Variants in EYS observed in about 807,000 individuals in gnomAD.
The protein encoded by EYS is EGF-like photoreceptor maintenance factor.
In EYS, 250 loss-of-function variants were observed where a neutral mutation model predicts 282.1. The observed-to-expected ratio is 0.89, with a 90% CI of 0.80 to 0.98. The LOEUF is 0.98. Among genes scored for constraint, EYS ranks in the 50% least tolerant of loss-of-function variants. EYS has a pLI of 0.00. For missense variants in EYS, 4,016 were observed against 3,709.0 expected, an observed-to-expected ratio of 1.08 and a Z score of -2.15; for synonymous variants, 1,355 against 1,282.9, an observed-to-expected ratio of 1.06 and a Z score of -1.20.
At chr6:63,955,844 G>A (rs1765794103) in intron 35 of EYS, among the ~76,000 whole-genome samples, 2 of 152,056 alleles carry the variant, frequency 1.3e-5, no homozygotes, top group Admixed American at 6.6e-5. Flanking sequence ...TTTAATACCT[G>A]TTTTTCTCCT....
chr6:65,663,508 G>A (rs1768078057), intron 1 of EYS, among the ~76,000 whole-genome samples: 1 of 152,160 alleles, frequency 6.6e-6, no homozygotes, highest in Non-Finnish European at 1.5e-5. Context: ...AATATAATGA[G>A]AATATACCAA....
intron 11 of EYS, among the ~76,000 whole-genome samples, chr6:65,309,237 ATG>A (rs1562087986): frequency 6.6e-6 from 1 of 152,096 alleles, no homozygotes; most frequent in Non-Finnish European, 1.5e-5. Flanking sequence ...AATAATTAGC[ATG>A]TGTTTTATCT....
intron 15 of EYS, among the ~76,000 whole-genome samples, chr6:64,923,017 T>C (rs1216970292): frequency 4.6e-5 from 7 of 152,180 alleles, no homozygotes; most frequent in Non-Finnish European, 8.8e-5. Flanking sequence ...GTTTACTTTT[T>C]TTGGGGTGGG....
At chr6:64,667,778 A>G (rs1769284499) in intron 22 of EYS, among the ~76,000 whole-genome samples, 1 of 152,168 alleles carries the variant, frequency 6.6e-6, no homozygotes, top group African/African-American at 2.4e-5. Context: ...TTTATTGTCC[A>G]TCACAAATGA....
At chr6:65,075,899 C>A (rs1402180101) in intron 12 of EYS, among the ~76,000 whole-genome samples, 3 of 151,850 alleles carry the variant, frequency 2.0e-5, no homozygotes, top group Non-Finnish European at 4.4e-5. Context: ...ACAGTAAAAT[C>A]TCACACCTCA....
At chr6:64,381,957 A>G (rs1296367093) in intron 29 of EYS, among the ~76,000 whole-genome samples, 1 of 152,142 alleles carries the variant, frequency 6.6e-6, no homozygotes, top group African/African-American at 2.4e-5. Context: ...TTTCTTTTAT[A>G]AGTGTATTAA....
intron 14 of EYS, among the ~76,000 whole-genome samples, chr6:64,987,850 A>G (rs559932055): frequency 6.6e-6 from 1 of 151,698 alleles, no homozygotes; most frequent in South Asian, 2.1e-4. Flanking sequence ...AAAGCATAGA[A>G]TTGGTAATAA....
chr6:65,356,578 A>G (rs985285256), intron 8 of EYS, among the ~76,000 whole-genome samples: 11 of 152,048 alleles, frequency 7.2e-5, no homozygotes, highest in Admixed American at 5.9e-4. Flanking sequence ...AAAGTCACCC[A>G]GGATATATTT....
intron 31 of EYS, among the ~76,000 whole-genome samples, chr6:64,121,757 G>A (rs980158734): frequency 6.6e-6 from 1 of 152,082 alleles, no homozygotes; most frequent in African/African-American, 2.4e-5. Context: ...TAAAGTACCA[G>A]TTTCTATTAG....
At chr6:65,062,362 G>T (rs1773602478) in intron 12 of EYS, among the ~76,000 whole-genome samples, 1 of 151,934 alleles carries the variant, frequency 6.6e-6, no homozygotes, top group East Asian at 1.9e-4. Flanking sequence ...GTCTAAAAAT[G>T]TACCAAACCT....
chr6:64,431,116 C>T (rs982702875), intron 28 of EYS, among the ~76,000 whole-genome samples: 2 of 149,462 alleles, frequency 1.3e-5, no homozygotes, highest in Non-Finnish European at 3.0e-5. Context: ...CCATGGGACA[C>T]AACACAAGGT....
chr6:65,268,279 T>G (rs570243779), intron 12 of EYS, among the ~76,000 whole-genome samples: 1 of 152,028 alleles, frequency 6.6e-6, no homozygotes, highest in East Asian at 1.9e-4. Flanking sequence ...TACCAAATTA[T>G]TAAAGAGATA....
intron 29 of EYS, among the ~76,000 whole-genome samples, chr6:64,345,258 A>G (rs1771335901): frequency 6.6e-6 from 1 of 152,188 alleles, no homozygotes; most frequent in Non-Finnish European, 1.5e-5. Context: ...TGCTAAGCCA[A>G]AAGAACAAAG....
At position 63,721,227 on chromosome 6, in the gene EYS, T is replaced by G; in HGVS notation, c.8804A>C (p.Tyr2935Ser). ...SLCIPDQSFS[Y>S]SCLCTLGWVG... ...CCAACCCAAAGTACACAGGCAACTG[T>G]AAGAAAATGATTGGTCAGGTATACA... The change falls in exon 43 of 43, where the codon TAC becomes TCC. Residue 2935 changes from tyrosine (Y) to serine (S), a missense_variant. Coordinates refer to ENST00000503581, the MANE Select transcript of EYS (RefSeq NM_001142800.2). The G allele has an allele frequency of 6.4e-7, 1 of 1,551,766 alleles. No homozygotes were observed. The highest frequency in any genetic ancestry group is 8.7e-7 in the Non-Finnish European group (1 of 1,146,934).
chr6:64,060,775 A>G (rs1412732831), intron 33 of EYS, among the ~76,000 whole-genome samples: 3 of 152,210 alleles, frequency 2.0e-5, no homozygotes, highest in Non-Finnish European at 2.9e-5. Flanking sequence ...TGAACCAAAT[A>G]TTATCAAAGG....
chr6:64,104,470 A>T (rs1255594948), intron 31 of EYS, among the ~76,000 whole-genome samples: 3 of 152,062 alleles, frequency 2.0e-5, no homozygotes, highest in Non-Finnish European at 4.4e-5. Context: ...GAAGGAAATA[A>T]ATTATTCTCA....
chr6:65,679,154 A>G (rs1480481548), intron 1 of EYS, among the ~76,000 whole-genome samples: 1 of 151,938 alleles, frequency 6.6e-6, no homozygotes, highest in African/African-American at 2.4e-5. Flanking sequence ...CTACTCCTAC[A>G]TACTTATCTA....
intron 22 of EYS, among the ~76,000 whole-genome samples, chr6:64,661,772 T>C (rs1057258027): frequency 1.5e-5 from 2 of 136,646 alleles, no homozygotes; most frequent in Admixed American, 1.5e-4. Context: ...GGAACACTTT[T>C]ACACTGTTGG....
intron 2 of EYS, among the ~76,000 whole-genome samples, chr6:65,539,990 T>C (rs1006383730): frequency 6.6e-5 from 10 of 152,230 alleles, no homozygotes; most frequent in African/African-American, 2.2e-4. Flanking sequence ...GTTTTAACAT[T>C]ATTGCTTCAG....
Sources: allele counts gnomAD v4.1 joint callset (sites outside exome capture counted in the v4.1 genomes callset), GRCh38; gene constraint gnomAD v4.1.1; transcripts MANE v1.5; gene names NCBI Gene and HGNC (gene_info 2026-07-23, HGNC 2026-07-21).